The following ALDH1L2 variants were observed in gnomAD, a reference collection of about 807,000 sequenced individuals.
ALDH1L2 encodes aldehyde dehydrogenase 1 family member L2.
In ALDH1L2, 91 loss-of-function variants were observed where a neutral mutation model predicts 111.0. The observed-to-expected ratio is 0.82, with a 90% CI of 0.69 to 0.98. The LOEUF (loss-of-function observed/expected upper bound fraction) is 0.98. ALDH1L2 is among the 50% of genes least tolerant of loss of function. The pLI is 0.00. For synonymous variants in ALDH1L2, 374 were observed against 392.6 expected (o/e 0.95, Z 0.56); for missense variants, 995 against 1,126.8 (o/e 0.88, Z 1.67).
chr12:105,059,780 T>A (rs910431733), intron 9 of ALDH1L2, among the ~76,000 whole-genome samples: 1 of 152,214 alleles, frequency 6.6e-6, no homozygotes, highest in Non-Finnish European at 1.5e-5. Context: ...GATAGAATAT[T>A]CATCAGGAAC....
intron 5 of ALDH1L2, among the ~76,000 whole-genome samples, chr12:105,065,602 G>C (rs1408139668): frequency 1.3e-5 from 2 of 152,222 alleles, no homozygotes; most frequent in Non-Finnish European, 2.9e-5. Context: ...AGATGAAGTA[G>C]AGCGGGCTGT....
chr12:105,065,219 A>T, intron 6 of ALDH1L2, 48 bp downstream of exon 6: 9 of 1,052,284 alleles, frequency 8.6e-6, no homozygotes, highest in Admixed American at 2.1e-5. Context: ...TCTCTTACAA[A>T]GGTAATAATC....
intron 12 of ALDH1L2, among the ~76,000 whole-genome samples, chr12:105,051,500 C>G (rs80129398): frequency 0.021 from 3,213 of 152,256 alleles, 53 homozygotes; most frequent in Middle Eastern, 0.034. Flanking sequence ...AGCAGCTTCC[C>G]CCTGCTGCTA....
At chr12:105,053,624 A>G (rs957751318) in intron 10 of ALDH1L2, among the ~76,000 whole-genome samples, 6 of 152,174 alleles carry the variant, frequency 3.9e-5, no homozygotes, top group African/African-American at 7.2e-5. Flanking sequence ...AGAAACAAAA[A>G]ATAGCAAGAA....
chr12:105,063,392 C>G (rs554737669), intron 6 of ALDH1L2, among the ~76,000 whole-genome samples: 12 of 151,856 alleles, frequency 7.9e-5, no homozygotes, highest in African/African-American at 2.7e-4. Context: ...AGGAGAATGG[C>G]GTGAACCCGG....
At chr12:105,055,167 G>A in intron 10 of ALDH1L2, among the ~76,000 whole-genome samples, 1 of 152,152 alleles carries the variant, frequency 6.6e-6, no homozygotes, top group East Asian at 1.9e-4. Context: ...CAGGCAGGAA[G>A]TGTGAAGGTA....
At position 105,026,639 on chromosome 12, in the gene ALDH1L2, C is replaced by T. The variant is rs1874423258; in HGVS notation, c.2622G>A (p.Leu874=). Residue 874 remains leucine (L), a synonymous_variant, in exon 22 of 23, where the codon CTG becomes CTA. Transcript: ENST00000258494. ...INKAMYVSEK[L]EAGTVFINTY... The stretch of plus-strand genomic sequence containing the variant: ...TGTTAATAAAAACAGTTCCTGCTTC[C>T]AGTTTTTCACTCACATACATAGCTT... 1 of 1,614,178 alleles carries T rather than the reference C, an allele frequency of 6.2e-7. No homozygotes were observed. Among genetic ancestry groups the T allele is most frequent in the African/African-American group, 1.3e-5 (1 of 75,054 alleles).
intron 10 of ALDH1L2, 111 bp downstream of exon 10, chr12:105,057,956 AAAGCTG>A: frequency 8.1e-7 from 1 of 1,239,504 alleles, no homozygotes; most frequent in South Asian, 2.0e-5. Flanking sequence ...AGATCTCAGT[AAAGCTG>A]TTGTTTTTTA....
chr12:105,034,472 G>T, intron 18 of ALDH1L2, 74 bp from the exon 19 acceptor site: 1 of 1,354,366 alleles, frequency 7.4e-7, no homozygotes, highest in East Asian at 2.4e-5. Flanking sequence ...GTACACAGAG[G>T]GAGTTAGTTG....
chr12:105,064,114 C>CTTTTTTTTTTTTTT lies in ALDH1L2; in HGVS notation c.787-1106_787-1093dup, dbSNP rs71069786. On this transcript the variant is annotated intron_variant, in intron 6 of 22. Coordinates refer to ENST00000258494, the MANE Select transcript of ALDH1L2 (RefSeq NM_001034173.4). ...TACAGGCACATGCCACCACACCGAG[C>CTTTTTTTTTTTTTT]TTTTTTTTTTTTTTTTTTTTTTTTT... is the stretch of plus-strand genomic sequence containing the variant. Among the ~76,000 whole-genome samples the CTTTTTTTTTTTTTT allele has an allele frequency of 6.5e-4, 23 of 35,124 alleles. 6 individuals carry two copies. The highest frequency in any genetic ancestry group is 8.6e-4 in the Non-Finnish European group (16 of 18,600). The allele number at this position is 35,124 out of a possible 152,430, so 23.0% of individuals were successfully genotyped here.
At chr12:105,062,157 A>G (rs1159232722) in intron 7 of ALDH1L2, among the ~76,000 whole-genome samples, 1 of 152,220 alleles carries the variant, frequency 6.6e-6, no homozygotes, top group Non-Finnish European at 1.5e-5. Flanking sequence ...CATATACTAA[A>G]AAAAAGAATG....
Position 105,054,033 on chromosome 12 carries a change from T to C in ALDH1L2, c.1288-1102A>G, listed in dbSNP as rs1876458852. Among the ~76,000 whole-genome samples, 7 of 152,166 alleles carry C rather than the reference T, an allele frequency of 4.6e-5. No homozygotes were observed. In the South Asian group the frequency reaches 1.5e-3, roughly 32 times the overall value. ...GAGAGTTGTTAGGAGAATCAAATTA[T>C]ATACTCTATAAATAGGGTAAAAATA... On this transcript the variant is annotated intron_variant, in intron 10 of 22. Coordinates refer to ENST00000258494, the MANE Select transcript of ALDH1L2 (RefSeq NM_001034173.4).
At chr12:105,064,114 C>CTTTTTTTTTTTTTTTTTTTTTTT (rs71069786) in intron 6 of ALDH1L2, among the ~76,000 whole-genome samples, 4 of 35,124 alleles carry the variant, frequency 1.1e-4, no homozygotes, top group Admixed American at 4.2e-4. Context: ...CCACACCGAG[C>CTTTTTTTTTTTTTTTTTTTTTTT]TTTTTTTTTT....
Position 105,070,711 on chromosome 12 carries a change from C to G in ALDH1L2, c.287G>C (p.Arg96Thr), listed in dbSNP as rs779980524. Residue 96 changes from arginine (R) to threonine (T), a missense_variant, in exon 3 of 23, where the codon AGA (arginine) becomes ACA (threonine). By Grantham distance (71) the Arg-to-Thr change is moderately conservative (BLOSUM62 -1). Coordinates refer to ENST00000258494, the MANE Select transcript of ALDH1L2 (RefSeq NM_001034173.4). ...KTIKEVAEAY[R>T]SVGAELNVLP... ...CACATTTAGCTCTGCACCCACGGAT[C>G]TGTAGGCTTCTGCCACTTCTTTGAT... The G allele has an allele frequency of 4.6e-5, 75 of 1,614,084 alleles. No individual in the cohort carries two copies. Among genetic ancestry groups the G allele is most frequent in the Non-Finnish European group, 6.0e-5 (71 of 1,180,040 alleles).
intron 4 of ALDH1L2, among the ~76,000 whole-genome samples, chr12:105,067,749 A>G (rs559070790): frequency 1.3e-5 from 2 of 152,280 alleles, no homozygotes; most frequent in East Asian, 3.9e-4. Context: ...GAACAGAGCC[A>G]AGTTTACAGC....
At chr12:105,066,788 TATG>T (rs1447104597) in intron 4 of ALDH1L2, 119 bp from the exon 5 acceptor site, 1 of 766,234 alleles carries the variant, frequency 1.3e-6, no homozygotes, top group East Asian at 2.7e-5. Flanking sequence ...GAGTCAAGAG[TATG>T]ATGATAACTA....
In ALDH1L2 at chr12:105,024,136, A is replaced by G. The variant is rs1006981744; in HGVS notation, c.*288T>C. ...TGGTACTGACATCTTCAAGATGGGAACCATGAATAGATTTGTCTAGGTAGG... is the reference window on the plus strand; with the variant it reads ...TGGTACTGACATCTTCAAGATGGGAGCCATGAATAGATTTGTCTAGGTAGG... On this transcript the variant is annotated 3_prime_UTR_variant, in exon 23 of 23. Transcript: ENST00000258494. 3 of 503,230 alleles carry G rather than the reference A, an allele frequency of 6.0e-6. No homozygotes were observed. The highest frequency in any genetic ancestry group is 1.1e-5 in the Non-Finnish European group (3 of 279,850). 31.2% of individuals were successfully genotyped at this position (503,230 alleles called of 1,614,324 possible).
intron 1 of ALDH1L2, among the ~76,000 whole-genome samples, chr12:105,084,089 G>A (rs924704685): frequency 1.3e-5 from 2 of 152,126 alleles, no homozygotes; most frequent in Non-Finnish European, 2.9e-5. Flanking sequence ...CTTACCAAGT[G>A]ACTGTTCCCA....
chr12:105,066,786 A>G, intron 4 of ALDH1L2, 117 bp from the exon 5 acceptor site: 2 of 778,852 alleles, frequency 2.6e-6, no homozygotes, highest in Non-Finnish European at 2.2e-6. Flanking sequence ...GAGAGTCAAG[A>G]GTATGATGAT....
Sources: allele counts gnomAD v4.1 joint callset (sites outside exome capture counted in the v4.1 genomes callset), GRCh38; gene constraint gnomAD v4.1.1; transcripts MANE v1.5; gene names NCBI Gene and HGNC (gene_info 2026-07-23, HGNC 2026-07-21).